The following WWOX variants were observed in gnomAD, a reference collection of about 807,000 sequenced individuals.
WWOX encodes the protein WW domain containing oxidoreductase.
Under a neutral mutation model 46.2 loss-of-function variants are expected in WWOX, and 69 were observed. The observed-to-expected ratio is 1.49, with a 90% CI of 1.23 to 1.82. The LOEUF (loss-of-function observed/expected upper bound fraction) is 1.82, where lower values mean the gene tolerates loss of function less well. Among genes scored for constraint, WWOX ranks in the 40% most tolerant of loss-of-function variants. The pLI is 0.00. For missense variants in WWOX, 919 were observed against 542.6 expected (o/e 1.69, Z -6.89); for synonymous variants, 359 against 202.6 (o/e 1.77, Z -6.56).
At chr16:78,453,005 C>T (rs577156554) in intron 8 of WWOX, among the ~76,000 whole-genome samples, 1 of 151,926 alleles carries the variant, frequency 6.6e-6, no homozygotes, top group East Asian at 2.0e-4. Context: ...TCTCAGCCTC[C>T]CGAGTAGCTG....
At chr16:78,926,202 T>C (rs920130478) in intron 8 of WWOX, among the ~76,000 whole-genome samples, 7 of 151,988 alleles carry the variant, frequency 4.6e-5, no homozygotes, top group African/African-American at 1.7e-4. Flanking sequence ...GGCAAAACCT[T>C]ACCTCTCAAA....
intron 8 of WWOX, among the ~76,000 whole-genome samples, chr16:78,680,240 C>G (rs2047697819): frequency 1.3e-5 from 2 of 151,996 alleles, no homozygotes; most frequent in Non-Finnish European, 2.9e-5. Flanking sequence ...CGAGACCCGT[C>G]TCTGCAGAAA....
chr16:79,116,976 T>A (rs1429797300), intron 8 of WWOX, among the ~76,000 whole-genome samples: 1 of 152,178 alleles, frequency 6.6e-6, no homozygotes, highest in East Asian at 1.9e-4. Flanking sequence ...GCATGGAAAC[T>A]ACATTAATCT....
chr16:78,439,533 T>C (rs7200731), intron 8 of WWOX, among the ~76,000 whole-genome samples: 45,717 of 152,062 alleles, frequency 0.3, 8,420 homozygotes, highest in African/African-American at 0.51. Flanking sequence ...CTTAGTCCAG[T>C]GACCAATGGA....
chr16:78,326,294 C>T (rs183445574), intron 5 of WWOX, among the ~76,000 whole-genome samples: 4 of 152,264 alleles, frequency 2.6e-5, no homozygotes, highest in Non-Finnish European at 5.9e-5. Context: ...TGCATATGCT[C>T]AGTTGCAGAA....
chr16:79,114,095 G>T (rs1165993072), intron 8 of WWOX, among the ~76,000 whole-genome samples: 2 of 152,182 alleles, frequency 1.3e-5, no homozygotes, highest in Non-Finnish European at 2.9e-5. Context: ...TCATTTGCTA[G>T]TAAGGGTTAG....
rs554184887 is a variant in WWOX, at chr16:79,114,190, T to TC, written c.1057-97412dup. On this transcript the variant is annotated intron_variant, in intron 8 of 8. Coordinates refer to ENST00000566780, the MANE Select transcript of WWOX (RefSeq NM_016373.4). ...TGCATCTATTATGGGTTGAATTGCA[T>TC]CCCCCCAGAAGATATGTTGAAGTCC... 5.9e-5 allele frequency among the ~76,000 whole-genome samples: 9 copies of TC among 152,072 alleles called. No homozygotes were observed. In the East Asian group the frequency reaches 1.6e-3, roughly 26 times the overall value.
intron 8 of WWOX, among the ~76,000 whole-genome samples, chr16:79,044,667 G>T (rs191826385): frequency 1.4e-4 from 21 of 152,294 alleles, no homozygotes; most frequent in African/African-American, 4.6e-4. Context: ...AAATTACCCA[G>T]TCTCAGGTAA....
At chr16:78,457,887 G>T (rs1443441372) in intron 8 of WWOX, among the ~76,000 whole-genome samples, 2 of 140,498 alleles carry the variant, frequency 1.4e-5, no homozygotes, top group Non-Finnish European at 3.0e-5. Flanking sequence ...CTGCACTCCA[G>T]CCTGAGCGTG....
chr16:78,324,464 G>C (rs2151886539), intron 5 of WWOX, among the ~76,000 whole-genome samples: 1 of 152,148 alleles, frequency 6.6e-6, no homozygotes, highest in East Asian at 1.9e-4. Context: ...TGAAAACATG[G>C]ACCAAGACTT....
At chr16:79,064,657 G>A (rs1490415367) in intron 8 of WWOX, among the ~76,000 whole-genome samples, 1 of 152,192 alleles carries the variant, frequency 6.6e-6, no homozygotes, top group East Asian at 1.9e-4. Context: ...CAACCTCTTC[G>A]TGTTCCTGCA....
At chr16:78,556,404 GTTC>G (rs778769815) in intron 8 of WWOX, among the ~76,000 whole-genome samples, 4 of 152,204 alleles carry the variant, frequency 2.6e-5, no homozygotes, top group African/African-American at 4.8e-5. Flanking sequence ...GAGGAGCAGA[GTTC>G]TTCTGGTCTC....
chr16:79,127,319 G>A (rs189061778), intron 8 of WWOX, among the ~76,000 whole-genome samples: 182 of 152,120 alleles, frequency 1.2e-3, no homozygotes, highest in African/African-American at 4.3e-3. Flanking sequence ...ACATTATTAT[G>A]CATTTACAAG....
intron 5 of WWOX, among the ~76,000 whole-genome samples, chr16:78,345,758 G>T (rs12597788): frequency 8.6e-6 from 1 of 115,816 alleles, no homozygotes; most frequent in Admixed American, 8.6e-5. Flanking sequence ...AACTCTGAAA[G>T]CAGAGTGGGC....
chr16:78,509,270 C>G (rs183606000), intron 8 of WWOX, among the ~76,000 whole-genome samples: 117 of 152,278 alleles, frequency 7.7e-4, no homozygotes, highest in South Asian at 3.9e-3. Context: ...AAAACCCTGT[C>G]TCTACTAAAA....
chr16:78,290,570 A>G (rs1300412044), intron 5 of WWOX, among the ~76,000 whole-genome samples: 1 of 152,184 alleles, frequency 6.6e-6, no homozygotes, highest in Non-Finnish European at 1.5e-5. Flanking sequence ...GTCAGTCTAA[A>G]AAGCTCCTTA....
chr16:78,785,169 C>T (rs888202777), intron 8 of WWOX, among the ~76,000 whole-genome samples: 1 of 152,198 alleles, frequency 6.6e-6, no homozygotes. Flanking sequence ...GACTGGCTGT[C>T]TAAGAATTAA....
chr16:78,463,389 C>T (rs1240759686), intron 8 of WWOX, among the ~76,000 whole-genome samples: 1 of 152,184 alleles, frequency 6.6e-6, no homozygotes, highest in Non-Finnish European at 1.5e-5. Flanking sequence ...GGGTGTCCAA[C>T]TGCTAATTTA....
At chr16:79,122,186 T>C (rs1383828654) in intron 8 of WWOX, among the ~76,000 whole-genome samples, 2 of 152,088 alleles carry the variant, frequency 1.3e-5, no homozygotes, top group Non-Finnish European at 2.9e-5. Flanking sequence ...TCTAAACCTC[T>C]GTGAAGTTGT....
Sources: gnomAD v4.1 joint callset for allele counts (sites outside exome capture counted in the v4.1 genomes callset) on GRCh38, gnomAD v4.1.1 for gene constraint, MANE v1.5 for transcripts, NCBI Gene and HGNC (gene_info 2026-07-23, HGNC 2026-07-21) for gene names.